The following EIF4E3 variants were observed in gnomAD, a reference collection of about 807,000 sequenced individuals.
EIF4E3 encodes the protein eukaryotic translation initiation factor 4E family member 3.
Under a neutral mutation model 31.7 loss-of-function variants are expected in EIF4E3, and 26 were observed. The ratio of observed to expected loss-of-function variants is 0.82; its 90% CI spans 0.60 to 1.14. The LOEUF (loss-of-function observed/expected upper bound fraction) is 1.14, where lower values mean the gene tolerates loss of function less well. Ranked by LOEUF, EIF4E3 falls within the 50% of genes most tolerant of loss-of-function variation. The pLI is 0.00. For synonymous variants in EIF4E3, 128 were observed against 107.7 expected, an observed-to-expected ratio of 1.19 and a Z score of -1.17; for missense variants, 304 against 270.9, an observed-to-expected ratio of 1.12 and a Z score of -0.86.
chr3:71,753,049 CAG>C (rs1268215526), intron 1 of EIF4E3, among the ~76,000 whole-genome samples: 7 of 152,200 alleles, frequency 4.6e-5, no homozygotes, highest in Non-Finnish European at 1.0e-4. Flanking sequence ...AGTTAGCGAG[CAG>C]GGGATGCTGC....
chr3:71,713,817 T>C (rs536152007), intron 1 of EIF4E3, among the ~76,000 whole-genome samples: 38 of 152,042 alleles, frequency 2.5e-4, no homozygotes, highest in Non-Finnish European at 4.1e-4. Context: ...TTCCAATGGA[T>C]AGGGTAGGGA....
the EIF4E3 span, among the ~76,000 whole-genome samples, chr3:71,664,078 G>C: frequency 4.0e-4 from 61 of 152,288 alleles, no homozygotes; most frequent in African/African-American, 1.4e-3. Context: ...TCCAGAAAAG[G>C]CTGCAGACTC....
chr3:71,738,868 T>G (rs1276390331), intron 1 of EIF4E3, among the ~76,000 whole-genome samples: 2 of 150,450 alleles, frequency 1.3e-5, no homozygotes, highest in African/African-American at 2.5e-5. Context: ...TCATGGAATA[T>G]TCACCAAGAT....
At chr3:71,706,693 G>A (rs941219889) in intron 2 of EIF4E3, among the ~76,000 whole-genome samples, 1 of 152,092 alleles carries the variant, frequency 6.6e-6, no homozygotes, top group Non-Finnish European at 1.5e-5. Flanking sequence ...GGTAGCACAT[G>A]GCTATAGTCC....
In EIF4E3 at chr3:71,709,339, C is replaced by A. The variant is rs1210091788; in HGVS notation, c.249+1073G>T. Among the ~76,000 whole-genome samples, 6 of 152,308 alleles carry A rather than the reference C, an allele frequency of 3.9e-5. No homozygotes were observed. The East Asian group carries it at 7.7e-4, about 20-fold the overall frequency. On this transcript the variant is annotated intron_variant, in intron 2 of 6. Transcript: ENST00000425534. ...AGAAGACAGGAGAAACTGGGTAGAA[C>A]CTGCTATTGAAGAAAATAGAAATGG...
chr3:71,719,237 A>G (rs763195164), intron 1 of EIF4E3, among the ~76,000 whole-genome samples: 44 of 152,180 alleles, frequency 2.9e-4, no homozygotes, highest in Non-Finnish European at 1.5e-4. Context: ...CATGTTTGCA[A>G]TCTTATAACC....
chr3:71,709,498 G>C (rs1188881955), intron 2 of EIF4E3, among the ~76,000 whole-genome samples: 2 of 152,156 alleles, frequency 1.3e-5, no homozygotes, highest in Non-Finnish European at 2.9e-5. Context: ...TTGTACCTCA[G>C]CCTCCCAAGT....
chr3:71,754,148 A>C, upstream of EIF4E3: 1 of 1,459,036 alleles, frequency 6.9e-7, no homozygotes, highest in Non-Finnish European at 9.1e-7. The surrounding 1 kb of genome is among the most constrained non-coding windows in gnomAD (Gnocchi z 5.8). Context: ...GCGTGAGCCT[A>C]GCGGGCAACG....
chr3:71,722,079 CT>C (rs1345647854), intron 1 of EIF4E3, among the ~76,000 whole-genome samples: 1 of 99,366 alleles, frequency 1.0e-5, no homozygotes, highest in East Asian at 3.4e-4. Context: ...CCTGTAAGCC[CT>C]TTGGCTTTTC....
intron 4 of EIF4E3, among the ~76,000 whole-genome samples, chr3:71,696,122 T>C (rs1413780407): frequency 6.6e-6 from 1 of 152,246 alleles, no homozygotes; most frequent in Non-Finnish European, 1.5e-5. Flanking sequence ...GCTTCCGACT[T>C]TGTAAAACCA....
intron 4 of EIF4E3, among the ~76,000 whole-genome samples, chr3:71,696,091 G>C (rs2049132109): frequency 6.6e-6 from 1 of 152,210 alleles, no homozygotes; most frequent in Non-Finnish European, 1.5e-5. Context: ...GGAGGGAAGA[G>C]CCTTTGGAAG....
Position 71,738,978 on chromosome 3 carries a change from G to GTATATATATATATATATATATATA in EIF4E3, c.-290-10379_-290-10356dup, listed in dbSNP as rs56982495. 2.2e-3 allele frequency among the ~76,000 whole-genome samples: 208 copies of GTATATATATATATATATATATATA among 95,738 alleles called. 2 individuals are homozygous for GTATATATATATATATATATATATA. The highest frequency in any genetic ancestry group is 4.3e-3 in the African/African-American group (84 of 19,726). The allele number at this position is 95,738 out of a possible 152,430, so 62.8% of individuals were successfully genotyped here. A position where few individuals can be genotyped will look rare whatever the true frequency, so the allele number is the denominator to read the frequency against. On this transcript the variant is annotated intron_variant, in intron 1 of 7. Transcript: ENST00000295612. The stretch of plus-strand genomic sequence containing the variant: ...TTTCCAAATGCCTGAAAATTGAACA[G>GTATATATATATATATATATATATA]TATATATATATATATATATATATAT...
At chr3:71,725,863 C>T (rs2049631819), upstream of EIF4E3, among the ~76,000 whole-genome samples, 1 of 151,914 alleles carries the variant, frequency 6.6e-6, no homozygotes, top group African/African-American at 2.4e-5. This position sits in a 1 kb window ranked among gnomAD's most constrained non-coding sequence, Gnocchi z 6.1. Flanking sequence ...TACCAGCAGT[C>T]AGAAGGATGG....
At chr3:71,672,701 G>A (rs908061873), downstream of EIF4E3, among the ~76,000 whole-genome samples, 1 of 152,226 alleles carries the variant, frequency 6.6e-6, no homozygotes, top group Non-Finnish European at 1.5e-5. Context: ...CAAAGTCCAG[G>A]TCAGCGGGCG....
At chr3:71,708,832 C>T (rs2049332815) in intron 2 of EIF4E3, among the ~76,000 whole-genome samples, 1 of 152,140 alleles carries the variant, frequency 6.6e-6, no homozygotes, top group African/African-American at 2.4e-5. Context: ...ACTCTTAGCG[C>T]GTTGATTTCT....
chr3:71,683,939 G>A lies in EIF4E3; in HGVS notation c.*743C>T, dbSNP rs1437808962. ...GGTTGAAAAGGCCAAATTAAAATTC[G>A]GGTTAGAAATGTTTCCACAGAGGGT... On this transcript the variant is annotated 3_prime_UTR_variant, in exon 7 of 7. Coordinates refer to ENST00000425534, the MANE Select transcript of EIF4E3 (RefSeq NM_001134651.2). 5 of 152,072 alleles carry A rather than the reference G, an allele frequency of 3.3e-5. No individual in the cohort carries two copies. Among genetic ancestry groups the A allele is most frequent in the African/African-American group, 1.2e-4 (5 of 41,402 alleles). 9.4% of individuals were successfully genotyped at this position (152,072 alleles called of 1,614,324 possible).
intron 1 of EIF4E3, among the ~76,000 whole-genome samples, chr3:71,738,612 G>A (rs181284959): frequency 6.6e-6 from 1 of 152,046 alleles, no homozygotes; most frequent in Admixed American, 6.5e-5. Flanking sequence ...AAGACATAAT[G>A]ATCCTACATA....
chr3:71,734,369 C>T (rs1274481542), intron 1 of EIF4E3, among the ~76,000 whole-genome samples: 1 of 152,140 alleles, frequency 6.6e-6, no homozygotes, highest in African/African-American at 2.4e-5. Flanking sequence ...TCAAAACCTA[C>T]CAGGTCACTC....
At chr3:71,670,345 C>T in the EIF4E3 span, among the ~76,000 whole-genome samples, 3 of 152,222 alleles carry the variant, frequency 2.0e-5, no homozygotes, top group South Asian at 4.2e-4. Context: ...TCGCAAGGCT[C>T]GCTGCATTTC....
Sources: gnomAD v4.1 joint callset for allele counts (sites outside exome capture counted in the v4.1 genomes callset) on GRCh38, gnomAD v4.1.1 for gene constraint, Gnocchi (gnomAD v3.1) non-coding constraint, MANE v1.5 for transcripts, NCBI Gene and HGNC (gene_info 2026-07-23, HGNC 2026-07-21) for gene names.